ACYP2: variants seen among roughly 807,000 people sequenced by gnomAD.
ACYP2 encodes acylphosphatase 2, also known as acylphosphatase-2.
ACYP2 carries 12 observed loss-of-function variants against 11.2 expected under a neutral mutation model. The observed-to-expected ratio is 1.08, with a 90% CI of 0.69 to 1.74. The LOEUF (loss-of-function observed/expected upper bound fraction) is 1.74. Among genes scored for constraint, ACYP2 ranks in the 40% most tolerant of loss-of-function variants. ACYP2 has a pLI of 0.00. For synonymous variants in ACYP2, 43 were observed against 32.2 expected (o/e 1.33, Z -1.13); for missense variants, 134 against 101.9 (o/e 1.31, Z -1.35).
intron 2 of ACYP2, among the ~76,000 whole-genome samples, chr2:54,036,948 C>G (rs1239342536): frequency 8.5e-5 from 13 of 152,140 alleles, no homozygotes; most frequent in Non-Finnish European, 1.2e-4. Flanking sequence ...TCCCTCTCCT[C>G]TGATTTCTAG....
chr2:54,032,895 C>T (rs1055417661), intron 2 of ACYP2, among the ~76,000 whole-genome samples: 1 of 152,048 alleles, frequency 6.6e-6, no homozygotes, highest in African/African-American at 2.4e-5. Context: ...GGCCATACTG[C>T]CCGAGGAAAG....
At chr2:54,074,678 C>T (rs1240667928) in intron 4 of ACYP2, among the ~76,000 whole-genome samples, 1 of 150,222 alleles carries the variant, frequency 6.7e-6, no homozygotes, top group Non-Finnish European at 1.5e-5. Context: ...TATTTATATA[C>T]AGAAAGAAAT....
At chr2:53,975,885 A>G (rs940205810) in intron 2 of ACYP2, among the ~76,000 whole-genome samples, 2 of 152,182 alleles carry the variant, frequency 1.3e-5, no homozygotes, top group Non-Finnish European at 2.9e-5. Flanking sequence ...GGAGGGAGAC[A>G]CTGACTTCTT....
chr2:54,213,762 C>A (rs1197291478), intron 6 of ACYP2, among the ~76,000 whole-genome samples: 4 of 148,916 alleles, frequency 2.7e-5, no homozygotes, highest in African/African-American at 1.0e-4. Context: ...CCCCCCACCC[C>A]ACACCCCCTA....
At chr2:54,175,928 TC>T (rs955273875) in intron 6 of ACYP2, among the ~76,000 whole-genome samples, 2 of 152,134 alleles carry the variant, frequency 1.3e-5, no homozygotes, top group Non-Finnish European at 2.9e-5. Flanking sequence ...GGCAGAGCTC[TC>T]ACAAATGGGG....
At chr2:53,981,538 G>A (rs1310848578) in intron 2 of ACYP2, among the ~76,000 whole-genome samples, 1 of 152,174 alleles carries the variant, frequency 6.6e-6, no homozygotes, top group African/African-American at 2.4e-5. Flanking sequence ...CTTGCAATCA[G>A]TCTGACTGGT....
At chr2:54,246,466 C>G (rs892814550) in intron 6 of ACYP2, among the ~76,000 whole-genome samples, 2 of 152,040 alleles carry the variant, frequency 1.3e-5, no homozygotes, top group Non-Finnish European at 1.5e-5. Flanking sequence ...AAAGCTTTTT[C>G]TTAAGTATTT....
chr2:54,213,756 C>T (rs1269648694), intron 6 of ACYP2, among the ~76,000 whole-genome samples: 1 of 149,770 alleles, frequency 6.7e-6, no homozygotes, highest in Non-Finnish European at 1.5e-5. Context: ...CCTTTGCCCC[C>T]CACCCCACAC....
rs970920106 is a variant in ACYP2, at chr2:54,052,451, C to T, written c.155+1401C>T. The stretch of plus-strand genomic sequence containing the variant: ...GAAATTTAAAGCAGGTTCTCCTTGG[C>T]GCACAGCACAAATTATATATAAGTT... On this transcript the variant is annotated intron_variant, in intron 3 of 6. Coordinates refer to ENST00000607452, the MANE Select transcript of ACYP2 (RefSeq NM_001320586.2). Among the ~76,000 whole-genome samples, 13 of 152,016 alleles carry T rather than the reference C, an allele frequency of 8.6e-5. No homozygotes were observed. In the East Asian group the frequency reaches 9.7e-4, roughly 11 times the overall value.
Position 54,228,006 on chromosome 2 carries a change from T to C in ACYP2, c.405-76682T>C, listed in dbSNP as rs572563028. On this transcript the variant is annotated intron_variant, in intron 6 of 6. Coordinates refer to ENST00000607452, the MANE Select transcript of ACYP2 (RefSeq NM_001320586.2). ...ATAAGCCATGATGACAGAGTAGCTATAAAAGTAGTGTCTCATAGATAAAGA... is the reference window on the plus strand; with the variant it reads ...ATAAGCCATGATGACAGAGTAGCTACAAAAGTAGTGTCTCATAGATAAAGA... Among the ~76,000 whole-genome samples, 3 of 152,348 alleles carry C rather than the reference T, an allele frequency of 2.0e-5. No individual in the cohort carries two copies. The South Asian group carries it at 6.2e-4, about 32-fold the overall frequency.
intron 2 of ACYP2, among the ~76,000 whole-genome samples, chr2:53,980,775 A>G (rs1028656441): frequency 6.6e-6 from 1 of 151,042 alleles, no homozygotes; most frequent in Non-Finnish European, 1.5e-5. Flanking sequence ...CTTTTTAGAT[A>G]GGCTTTCACT....
At chr2:54,072,765 G>T (rs1000029589) in intron 4 of ACYP2, among the ~76,000 whole-genome samples, 8 of 151,932 alleles carry the variant, frequency 5.3e-5, no homozygotes, top group Non-Finnish European at 1.0e-4. Flanking sequence ...GTTTCACCAT[G>T]TTGGCCAGGC....
At chr2:54,137,143 T>A (rs1333139523) in intron 5 of ACYP2, among the ~76,000 whole-genome samples, 3 of 152,006 alleles carry the variant, frequency 2.0e-5, no homozygotes, top group Non-Finnish European at 4.4e-5. Context: ...GAGATAAATC[T>A]ACCCATAGAC....
At chr2:54,067,316 T>C (rs1388137319) in intron 4 of ACYP2, among the ~76,000 whole-genome samples, 1 of 152,158 alleles carries the variant, frequency 6.6e-6, no homozygotes, top group African/African-American at 2.4e-5. Flanking sequence ...CTGTAAAGCA[T>C]TGTCATTGTA....
At chr2:54,132,744 ATTTT>A (rs35059715) in intron 4 of ACYP2, among the ~76,000 whole-genome samples, 4 of 136,326 alleles carry the variant, frequency 2.9e-5, no homozygotes, top group African/African-American at 8.1e-5. Flanking sequence ...CAATTGAATG[ATTTT>A]TTTTTTTTTT....
At chr2:54,021,306 C>G (rs765632955) in intron 2 of ACYP2, among the ~76,000 whole-genome samples, 25 of 152,062 alleles carry the variant, frequency 1.6e-4, no homozygotes, top group Admixed American at 5.2e-4. Flanking sequence ...CTAATTAGAA[C>G]TGGTGGAAAA....
At chr2:54,027,542 A>G (rs985638167) in intron 2 of ACYP2, among the ~76,000 whole-genome samples, 1 of 152,168 alleles carries the variant, frequency 6.6e-6, no homozygotes, top group Non-Finnish European at 1.5e-5. Flanking sequence ...CGTTTCTGAA[A>G]GCTCTCATGT....
In ACYP2 at chr2:54,267,421, G is replaced by A. The variant is rs1014526231; in HGVS notation, c.405-37267G>A. Reference sequence around the variant, plus strand: ...GCTTATACATCCTAAAGTAAGGGGTGGGAACAGAAGGAGGGAGAAGGAATT... The same window carrying A: ...GCTTATACATCCTAAAGTAAGGGGTAGGAACAGAAGGAGGGAGAAGGAATT... On this transcript the variant is annotated intron_variant, in intron 6 of 6. Coordinates refer to ENST00000607452, the MANE Select transcript of ACYP2 (RefSeq NM_001320586.2). 4 of 1,441,230 alleles carry A rather than the reference G, an allele frequency of 2.8e-6. No homozygotes were observed. In the African/African-American group the frequency reaches 5.8e-5, roughly 21 times the overall value. The allele number at this position is 1,441,230 out of a possible 1,614,324, so 89.3% of individuals were successfully genotyped here. A position where few individuals can be genotyped will look rare whatever the true frequency, so the allele number is the denominator to read the frequency against.
At chr2:54,256,901 A>G (rs1687566823) in intron 6 of ACYP2, among the ~76,000 whole-genome samples, 1 of 152,134 alleles carries the variant, frequency 6.6e-6, no homozygotes, top group Admixed American at 6.5e-5. Flanking sequence ...TCCTGGCCTC[A>G]GGTGATCCGC....
Sources: gnomAD v4.1 joint callset for allele counts (sites outside exome capture counted in the v4.1 genomes callset) on GRCh38, gnomAD v4.1.1 for gene constraint, MANE v1.5 for transcripts, NCBI Gene and HGNC (gene_info 2026-07-23, HGNC 2026-07-21) for gene names.